Variants in DYSF observed in about 807,000 individuals in gnomAD.
DYSF encodes the protein dystrophy-associated fer-1-like 1.
In DYSF, 212 loss-of-function variants were observed where a neutral mutation model predicts 274.9. The ratio of observed to expected loss-of-function variants is 0.77; its 90% confidence interval spans 0.69 to 0.86. The LOEUF is 0.86. Among genes scored for constraint, DYSF ranks in the 40% least tolerant of loss-of-function variants. The pLI is 0.00. For synonymous variants in DYSF, 1,091 were observed against 1,078.7 expected, an observed-to-expected ratio of 1.01 and a Z score of -0.22; for missense variants, 2,666 against 2,783.2, an observed-to-expected ratio of 0.96 and a Z score of 0.95.
At position 71,561,884 on chromosome 2, in the gene DYSF, C is replaced by A. The variant is rs1200068107; in HGVS notation, c.2349C>A (p.Leu783=). The change falls in exon 23 of 56, where the codon CTC becomes CTA. Residue 783 remains leucine, a synonymous_variant. Coordinates refer to ENST00000410020, the MANE Select transcript of DYSF (RefSeq NM_001130987.2). The stretch of plus-strand genomic sequence containing the variant: ...CCCTGAAGCTCGGCCACAGTGAGCT[C>A]CCTGCAGCTCTGGAGCAGGCGGAGG... The part of the protein sequence containing the change: ...ALALKLGHSE[L]PAALEQAEDW... 2 of 1,614,180 alleles carry A rather than the reference C, an allele frequency of 1.2e-6. No individual in the cohort carries two copies. Among genetic ancestry groups the A allele is most frequent in the South Asian group, 2.2e-5 (2 of 91,086 alleles).
intron 1 of DYSF, among the ~76,000 whole-genome samples, chr2:71,473,918 A>ATT (rs10659171): frequency 0.091 from 7,569 of 83,602 alleles, 721 homozygotes; most frequent in African/African-American, 0.22. Flanking sequence ...TTTCTGTATG[A>ATT]TTTTTTTTTT....
chr2:71,527,230 A>G lies in DYSF; in HGVS notation c.1276+884A>G, dbSNP rs75023270. ...TGGTGAGGCCCCGCTGTGAGCCACT[A>G]TTTTAAAGCATGCATTAACACAACC... On this transcript the variant is annotated intron_variant, in intron 13 of 55. Transcript: ENST00000410020. Among the ~76,000 whole-genome samples, 1,186 of 152,308 alleles carry G rather than the reference A, an allele frequency of 7.8e-3. 10 individuals carry two copies. The highest frequency in any genetic ancestry group is 0.013 in the Non-Finnish European group (899 of 68,026).
intron 21 of DYSF, among the ~76,000 whole-genome samples, chr2:71,554,244 A>G (rs893118152): frequency 6.6e-6 from 1 of 151,680 alleles, no homozygotes; most frequent in African/African-American, 2.4e-5. Flanking sequence ...TCGCTTACTC[A>G]CTCATTACAG....
upstream of DYSF, among the ~76,000 whole-genome samples, chr2:71,464,986 G>A (rs193020862): frequency 1.2e-4 from 18 of 152,228 alleles, no homozygotes; most frequent in Admixed American, 1.1e-3. Flanking sequence ...GTCACTGGGT[G>A]GGTTCAAGAG....
chr2:71,547,646 T>C (rs1048184112), intron 17 of DYSF, among the ~76,000 whole-genome samples: 3 of 152,022 alleles, frequency 2.0e-5, no homozygotes, highest in African/African-American at 7.3e-5. Flanking sequence ...TCTCAATAAA[T>C]AAATAAATAA....
At chr2:71,665,866 G>A (rs564701312) in intron 47 of DYSF, among the ~76,000 whole-genome samples, 6 of 151,802 alleles carry the variant, frequency 4.0e-5, no homozygotes, top group South Asian at 2.1e-4. Flanking sequence ...CATGCTCTCC[G>A]TGTGTCTGAG....
rs11558179 is a variant in DYSF, at chr2:71,611,313, C to T, written c.4026C>T (p.Asn1342=). ...CCAACATCTACATGGTTCCTCAGAACATCAAGCCAGCGCTCCAGCGTACCG... is the reference window on the plus strand; with the variant it reads ...CCAACATCTACATGGTTCCTCAGAATATCAAGCCAGCGCTCCAGCGTACCG... ...REANIYMVPQ[N]IKPALQRTAI... is the part of the protein sequence containing the mutation. The change falls in exon 37 of 56, where the codon AAC becomes AAT. Residue 1342 remains asparagine, a synonymous_variant. Coordinates refer to ENST00000410020, the MANE Select transcript of DYSF (RefSeq NM_001130987.2). 0.075 allele frequency: 121,393 copies of T among 1,613,634 alleles called. 11,620 individuals are homozygous for T. Among genetic ancestry groups the T allele is most frequent in the African/African-American group, 0.48 (36,297 of 74,922 alleles).
intron 14 of DYSF, among the ~76,000 whole-genome samples, chr2:71,534,460 C>T (rs574783372): frequency 1.3e-4 from 20 of 152,266 alleles, no homozygotes; most frequent in African/African-American, 4.6e-4. Flanking sequence ...TTGGGAAAAA[C>T]CTGGTCTTTA....
chr2:71,611,326 C>T lies in DYSF; in HGVS notation c.4039C>T (p.Leu1347Phe), dbSNP rs757081616. 8 of 1,614,024 alleles carry T rather than the reference C, an allele frequency of 5.0e-6. No individual in the cohort carries two copies. The East Asian group carries it at 1.3e-4, about 27-fold the overall frequency. The change falls in exon 37 of 56, where the codon CTC becomes TTC. Residue 1347 changes from leucine to phenylalanine, a missense_variant. Leu to Phe is a conservative substitution (Grantham distance 22). Coordinates refer to ENST00000410020, the MANE Select transcript of DYSF (RefSeq NM_001130987.2). Reference protein sequence around the residue: ...YMVPQNIKPALQRTAIEILAW... With the variant: ...YMVPQNIKPAFQRTAIEILAW... Reference sequence around the variant, plus strand: ...GGTTCCTCAGAACATCAAGCCAGCGCTCCAGCGTACCGCCATCGAGGTGAG... The same window carrying T: ...GGTTCCTCAGAACATCAAGCCAGCGTTCCAGCGTACCGCCATCGAGGTGAG...
intron 40 of DYSF, among the ~76,000 whole-genome samples, chr2:71,617,658 C>CAGAGGTGGGGTGTGTGTGTGGT (rs796228473): frequency 5.6e-5 from 2 of 35,500 alleles, no homozygotes; most frequent in Non-Finnish European, 1.1e-4. Context: ...GTGTGTGTGG[C>CAGAGGTGGGGTGTGTGTGTGGT]AGAGGTGGGG....
intron 12 of DYSF, among the ~76,000 whole-genome samples, chr2:71,525,481 C>T (rs1321476929): frequency 6.6e-6 from 1 of 152,164 alleles, no homozygotes. Flanking sequence ...GCCTCGGCCT[C>T]CCAGAGTGCT....
chr2:71,472,036 C>T lies in DYSF; in HGVS notation c.91+5103C>T, dbSNP rs10168225. Among the ~76,000 whole-genome samples the T allele has an allele frequency of 5.5e-3, 839 of 152,222 alleles. 8 individuals are homozygous for T. Among genetic ancestry groups the T allele is most frequent in the African/African-American group, 0.016 (659 of 41,534 alleles). ...TATGTCAGTAAGTATTCTTCTATAACACCTTTATAAATATCTGCGTAATAT... is the reference window on the plus strand; with the variant it reads ...TATGTCAGTAAGTATTCTTCTATAATACCTTTATAAATATCTGCGTAATAT... On this transcript the variant is annotated intron_variant, in intron 1 of 55. Transcript: ENST00000410020.
chr2:71,465,568 G>C (rs2081481248), upstream of DYSF, among the ~76,000 whole-genome samples: 1 of 152,318 alleles, frequency 6.6e-6, no homozygotes, highest in South Asian at 2.1e-4. Context: ...GCACTGGTTG[G>C]GGGCAGGTGT....
rs1553558718 is a variant in DYSF at position 71,572,232 on chromosome 2, T to TGCACAGATCACGACCA, written c.3228+1502_3228+1503insGACCAGCACAGATCAC. ...CCCAGCACAGATCACACCCAGCACA[T>TGCACAGATCACGACCA]GCACAGATCACACCTAGCACACCCA... On this transcript the variant is annotated intron_variant, in intron 29 of 55. Coordinates refer to ENST00000410020, the MANE Select transcript of DYSF (RefSeq NM_001130987.2). Among the ~76,000 whole-genome samples, 8 of 129,370 alleles carry TGCACAGATCACGACCA rather than the reference T, an allele frequency of 6.2e-5. 1 individual carries two copies. The highest frequency in any genetic ancestry group is 7.5e-5 in the Admixed American group (1 of 13,294). The allele number at this position is 129,370 out of a possible 152,430, so 84.9% of individuals were successfully genotyped here.
chr2:71,629,351 C>T (rs1343925910), intron 41 of DYSF, among the ~76,000 whole-genome samples: 1 of 152,092 alleles, frequency 6.6e-6, no homozygotes, highest in Non-Finnish European at 1.5e-5. Flanking sequence ...ATTTTTAATG[C>T]CTTTTATTTA....
At chr2:71,488,944 A>T (rs28384152) in intron 3 of DYSF, among the ~76,000 whole-genome samples, 7 of 150,462 alleles carry the variant, frequency 4.7e-5, no homozygotes, top group African/African-American at 1.8e-4. Context: ...CTGAGCCCCA[A>T]TGCTCCTTCT....
chr2:71,502,690 GT>G (rs1449596837), intron 3 of DYSF, among the ~76,000 whole-genome samples: 2 of 152,184 alleles, frequency 1.3e-5, no homozygotes, highest in East Asian at 3.9e-4. Flanking sequence ...AGTGGAGCCT[GT>G]TTCCCCTGCC....
At chr2:71,454,941 A>G (rs2080993460) in intron 1 of DYSF, among the ~76,000 whole-genome samples, 1 of 152,138 alleles carries the variant, frequency 6.6e-6, no homozygotes, top group Non-Finnish European at 1.5e-5. Context: ...CTGGGGGAGA[A>G]GAACTAGGGG....
intron 20 of DYSF, 53 bp from the exon 21 acceptor site, chr2:71,553,752 ATC>A (rs2152792212): frequency 6.2e-4 from 167 of 267,758 alleles, no homozygotes; most frequent in Middle Eastern, 2.0e-3. Flanking sequence ...TTAGCACCCC[ATC>A]CCACCCGCCC....
Sources: gnomAD v4.1 joint callset for allele counts (sites outside exome capture counted in the v4.1 genomes callset) on GRCh38, gnomAD v4.1.1 for gene constraint, MANE v1.5 for transcripts, NCBI Gene and HGNC (gene_info 2026-07-23, HGNC 2026-07-21) for gene names.